MYRIP: variants seen among roughly 807,000 people sequenced by gnomAD.
MYRIP encodes myosin VIIA and Rab interacting protein.
MYRIP carries 49 observed loss-of-function variants against 98.0 expected under a neutral mutation model. The observed-to-expected ratio is 0.50, with a 90% CI of 0.40 to 0.63. The LOEUF is 0.63. Among genes scored for constraint, MYRIP ranks in the 30% least tolerant of loss-of-function variants. The pLI, the probability that MYRIP is intolerant of heterozygous loss-of-function variation, is 0.00. For missense variants in MYRIP, 1,004 were observed against 1,058.2 expected (o/e 0.95, Z 0.71); for synonymous variants, 404 against 409.5 (o/e 0.99, Z 0.16).
At chr3:40,248,032 C>T (rs1430136320) in intron 13 of MYRIP, among the ~76,000 whole-genome samples, 1 of 152,264 alleles carries the variant, frequency 6.6e-6, no homozygotes, top group African/African-American at 2.4e-5. Flanking sequence ...AGAATGAAGC[C>T]TCCAACTCCC....
intron 9 of MYRIP, among the ~76,000 whole-genome samples, chr3:40,185,888 A>G (rs1575606420): frequency 6.6e-6 from 1 of 152,178 alleles, no homozygotes; most frequent in Non-Finnish European, 1.5e-5. Context: ...CGTCGCCCCT[A>G]TAGCCTTTGG....
chr3:40,118,263 G>C (rs1363346963), intron 3 of MYRIP, among the ~76,000 whole-genome samples: 1 of 152,172 alleles, frequency 6.6e-6, no homozygotes, highest in African/African-American at 2.4e-5. Flanking sequence ...ACTATAAATT[G>C]CGATAACTCA....
intron 5 of MYRIP, among the ~76,000 whole-genome samples, chr3:40,166,361 A>G (rs958490542): frequency 1.3e-5 from 2 of 152,176 alleles, no homozygotes; most frequent in Admixed American, 1.3e-4. Context: ...TGCTTAGACC[A>G]GTGCTTCATG....
chr3:40,218,630 A>AT (rs1553629251), intron 11 of MYRIP, among the ~76,000 whole-genome samples: 1 of 23,608 alleles, frequency 4.2e-5, no homozygotes, highest in African/African-American at 1.0e-4. Flanking sequence ...ATATATATAT[A>AT]TATATATATA....
chr3:39,815,308 T>A (rs975148589), intron 1 of MYRIP, among the ~76,000 whole-genome samples: 6 of 152,236 alleles, frequency 3.9e-5, no homozygotes, highest in African/African-American at 1.4e-4. Flanking sequence ...GTGTCTGGCT[T>A]CTTTCACTTA....
chr3:40,090,324 G>A (rs1450392685), intron 3 of MYRIP, among the ~76,000 whole-genome samples: 2 of 152,222 alleles, frequency 1.3e-5, no homozygotes, highest in Middle Eastern at 6.8e-3. Context: ...GTATGATTGT[G>A]TTCAGGCATT....
chr3:39,825,721 C>T (rs1323742148), intron 1 of MYRIP, among the ~76,000 whole-genome samples: 1 of 152,180 alleles, frequency 6.6e-6, no homozygotes, highest in Non-Finnish European at 1.5e-5. Context: ...ACTCCTTATG[C>T]TTCAATTCCT....
chr3:39,835,224 T>A (rs1012479278), intron 1 of MYRIP, among the ~76,000 whole-genome samples: 2 of 152,212 alleles, frequency 1.3e-5, no homozygotes, highest in African/African-American at 2.4e-5. Context: ...AGATAGAAAG[T>A]CCTGGAAACT....
intron 2 of MYRIP, among the ~76,000 whole-genome samples, chr3:40,027,891 G>C (rs779122051): frequency 1.6e-4 from 25 of 152,078 alleles, no homozygotes; most frequent in Admixed American, 6.6e-4. Flanking sequence ...GGCGGGACCA[G>C]CTAAGTGAGT....
At chr3:40,000,012 A>C (rs1382001499) in intron 2 of MYRIP, among the ~76,000 whole-genome samples, 4 of 125,410 alleles carry the variant, frequency 3.2e-5, no homozygotes, top group African/African-American at 1.2e-4. Context: ...AACATCACAC[A>C]CCAGGGCCTG....
Position 39,961,485 on chromosome 3 carries a change from C to G in MYRIP, c.110+60559C>G, listed in dbSNP as rs374387428. Among the ~76,000 whole-genome samples the G allele has an allele frequency of 2.0e-5, 3 of 152,094 alleles. No individual in the cohort carries two copies. The East Asian group carries it at 5.8e-4, about 29-fold the overall frequency. On this transcript the variant is annotated intron_variant, in intron 2 of 16. Coordinates refer to ENST00000302541, the MANE Select transcript of MYRIP (RefSeq NM_015460.4). ...TAAACTGAATCACTTGCAGTTCCCA[C>G]GATTTGCGAGTCCCATTTTCCTTTC...
At chr3:40,127,736 A>G (rs867014006) in intron 3 of MYRIP, among the ~76,000 whole-genome samples, 39 of 152,210 alleles carry the variant, frequency 2.6e-4, no homozygotes, top group African/African-American at 8.7e-4. Context: ...GCAGGGAGGT[A>G]GGAGAGCAGA....
At chr3:40,036,324 A>AAAAAAC (rs1553607293) in intron 2 of MYRIP, among the ~76,000 whole-genome samples, 21,000 of 120,834 alleles carry the variant, frequency 0.17, 2,336 homozygotes, top group Non-Finnish European at 0.24. Context: ...AAAAAAAAAA[A>AAAAAAC]CTTTATTCAA....
chr3:40,002,805 G>T (rs1204642114), intron 2 of MYRIP, among the ~76,000 whole-genome samples: 1 of 151,960 alleles, frequency 6.6e-6, no homozygotes, highest in East Asian at 1.9e-4. Context: ...TGTAGGTATT[G>T]CTATATCTAT....
chr3:39,937,794 A>G (rs1944688682), intron 2 of MYRIP, among the ~76,000 whole-genome samples: 1 of 152,236 alleles, frequency 6.6e-6, no homozygotes, highest in African/African-American at 2.4e-5. Flanking sequence ...AGCTTTTAGT[A>G]TCCTTGAATT....
intron 1 of MYRIP, among the ~76,000 whole-genome samples, chr3:39,855,810 G>A (rs1269572585): frequency 6.6e-6 from 1 of 152,094 alleles, no homozygotes; most frequent in Non-Finnish European, 1.5e-5. Context: ...TCCTGCACTT[G>A]TGTCTGCAGC....
Position 40,210,061 on chromosome 3 carries a change from A to G in MYRIP, c.1873A>G (p.Asn625Asp), listed in dbSNP as rs1224128851. ...GAAGGAAAGTCTGTCCTCTGAAGAC[A>G]ACAGCCAGAGTGTCCAGGAAGAGCT... ...NQKESLSSED[N>D]SQSVQEELKK... The change falls in exon 11 of 17, where the codon AAC becomes GAC. Residue 625 changes from asparagine to aspartate, a missense_variant. Transcript: ENST00000302541. The G allele has an allele frequency of 1.2e-6, 2 of 1,613,908 alleles. No individual in the cohort carries two copies. Among genetic ancestry groups the G allele is most frequent in the Non-Finnish European group, 1.7e-6 (2 of 1,179,942 alleles).
chr3:40,024,530 T>G (rs1004930764), intron 2 of MYRIP, among the ~76,000 whole-genome samples: 4 of 151,512 alleles, frequency 2.6e-5, no homozygotes, highest in Admixed American at 6.6e-5. Flanking sequence ...CCTACAGACT[T>G]GGAATTGTGT....
intron 16 of MYRIP, among the ~76,000 whole-genome samples, chr3:40,253,701 T>C (rs1953472066): frequency 6.6e-6 from 1 of 152,214 alleles, no homozygotes; most frequent in South Asian, 2.1e-4. Context: ...GTATTGACAA[T>C]AGAGTTTACA....
Sources: allele counts gnomAD v4.1 joint callset (sites outside exome capture counted in the v4.1 genomes callset), GRCh38; gene constraint gnomAD v4.1.1; transcripts MANE v1.5; gene names NCBI Gene and HGNC (gene_info 2026-07-23, HGNC 2026-07-21).